DNAH1: variants seen among roughly 807,000 people sequenced by gnomAD.
The protein encoded by DNAH1 is dynein axonemal heavy chain 1, also known as axonemal beta dynein heavy chain 1.
DNAH1 carries 327 observed loss-of-function variants against 484.3 expected under a neutral mutation model. The observed-to-expected ratio is 0.68, with a 90% CI of 0.62 to 0.74. The LOEUF is 0.74. Among genes scored for constraint, DNAH1 ranks in the 30% least tolerant of loss-of-function variants. DNAH1 has a pLI of 0.00. For synonymous variants in DNAH1, 2,192 were observed against 2,191.9 expected (o/e 1.00, Z 0.00); for missense variants, 5,052 against 5,546.8 (o/e 0.91, Z 2.83).
intron 1 of DNAH1, among the ~76,000 whole-genome samples, chr3:52,320,856 A>G (rs1341459570): frequency 7.2e-6 from 1 of 138,480 alleles, no homozygotes; most frequent in Non-Finnish European, 1.5e-5. Flanking sequence ...GCTGGAATGC[A>G]GTGGCATGAT....
chr3:52,352,879 G>T (rs967653045), intron 18 of DNAH1, among the ~76,000 whole-genome samples, 172 bp downstream of exon 18: 1 of 152,190 alleles, frequency 6.6e-6, no homozygotes, highest in African/African-American at 2.4e-5. Flanking sequence ...CTAGTACAAG[G>T]CAGGTGGCCT....
In DNAH1 at chr3:52,322,646, A is replaced by G. The variant is rs372934954; in HGVS notation, c.204A>G (p.Pro68=). Reference sequence around the variant, plus strand: ...CACATTTACCCCTGCCCCCGGCCCCACCCACACTCTCAGACTTGGGGCAGC... The same window carrying G: ...CACATTTACCCCTGCCCCCGGCCCCGCCCACACTCTCAGACTTGGGGCAGC... ...KLPHLPLPPA[P]PTLSDLGQPR... The change falls in exon 2 of 78, where the codon CCA becomes CCG. Residue 68 remains proline, a synonymous_variant. Transcript: ENST00000420323. 2 of 1,613,450 alleles carry G rather than the reference A, an allele frequency of 1.2e-6. No homozygotes were observed. Among genetic ancestry groups the G allele is most frequent in the African/African-American group, 2.7e-5 (2 of 74,772 alleles).
rs758205178 is a variant in DNAH1 at position 52,397,725 on chromosome 3, A to G, written c.11806A>G (p.Lys3936Glu). Residue 3936 changes from lysine (K) to glutamate (E), a missense_variant, in exon 74 of 78, where the codon AAG becomes GAG. By Grantham distance (56) the Lys-to-Glu change is moderately conservative (BLOSUM62 1). Coordinates refer to ENST00000420323, the MANE Select transcript of DNAH1 (RefSeq NM_015512.5). ...CTCCTAGGGCTACCTCTCCTACATC[A>G]AGAGCCTCCCACTCAATGATATGCC... ...YDLHGYLSYI[K>E]SLPLNDMPEI... is the part of the protein sequence containing the mutation. The G allele has an allele frequency of 1.9e-6, 3 of 1,610,970 alleles. No individual in the cohort carries two copies. Among genetic ancestry groups the G allele is most frequent in the Non-Finnish European group, 2.5e-6 (3 of 1,178,268 alleles).
At position 52,345,694 on chromosome 3, in the gene DNAH1, G is replaced by GA; in HGVS notation, c.1645dup (p.Thr549AsnfsTer91). The GA allele has an allele frequency of 1.2e-6, 2 of 1,612,614 alleles. No individual in the cohort carries two copies. Among genetic ancestry groups the GA allele is most frequent in the Non-Finnish European group, 1.7e-6 (2 of 1,179,308 alleles). ...AGGAATTTGAGCAGATCCAGTCACA[G>GA]ACCTTCTCCCAGGTTTGTGGGCATC... On this transcript the variant is annotated frameshift_variant, in exon 10 of 78. Coordinates refer to ENST00000420323, the MANE Select transcript of DNAH1 (RefSeq NM_015512.5). LOFTEE classifies it high-confidence loss of function.
chr3:52,339,436 A>G (rs905648077), intron 8 of DNAH1, among the ~76,000 whole-genome samples: 1 of 151,728 alleles, frequency 6.6e-6, no homozygotes, highest in African/African-American at 2.4e-5. Flanking sequence ...TCTTACCGAC[A>G]TTTGTCCATT....
chr3:52,372,106 C>T lies in DNAH1; in HGVS notation c.6666+20C>T. On this transcript the variant is annotated intron_variant, in intron 42 of 77. Coordinates refer to ENST00000420323, the MANE Select transcript of DNAH1 (RefSeq NM_015512.5). Reference sequence around the variant, plus strand: ...AAGCCCGTGAGCACCCCCCCAGGCCCTGCCTCCACTGTCCCCAAGGCCTAT... The same window carrying T: ...AAGCCCGTGAGCACCCCCCCAGGCCTTGCCTCCACTGTCCCCAAGGCCTAT... 6.2e-7 allele frequency: 1 copy of T among 1,612,572 alleles called. No individual in the cohort carries two copies. The highest frequency in any genetic ancestry group is 8.5e-7 in the Non-Finnish European group (1 of 1,179,266).
chr3:52,388,402 G>A lies in DNAH1; in HGVS notation c.9172-16G>A, dbSNP rs201089899. ...GGGGTACTTGGCGAGCTAATCCTGC[G>A]CCCTCCGCCCCACAGCAAGCCCTGC... On this transcript the variant is annotated splice_polypyrimidine_tract_variant and intron_variant, in intron 57 of 77. Coordinates refer to ENST00000420323, the MANE Select transcript of DNAH1 (RefSeq NM_015512.5). 8.5e-5 allele frequency: 137 copies of A among 1,606,630 alleles called. No homozygotes were observed. The Middle Eastern group carries it at 9.9e-4, about 12-fold the overall frequency.
At position 52,361,312 on chromosome 3, in the gene DNAH1, G is replaced by A. The variant is rs764485004; in HGVS notation, c.4834G>A (p.Asp1612Asn). 6.2e-6 allele frequency: 10 copies of A among 1,604,436 alleles called. No individual in the cohort carries two copies. Among genetic ancestry groups the A allele is most frequent in the Admixed American group, 1.7e-5 (1 of 58,520 alleles). ...TVVFNCSDQL[D>N]FMAMGKFFKG... is the part of the protein sequence containing the mutation. ...TGTGTTCAACTGCTCTGACCAGCTCGACTTCATGGCCATGGGCAAGTTCTT... is the reference window on the plus strand; with the variant it reads ...TGTGTTCAACTGCTCTGACCAGCTCAACTTCATGGCCATGGGCAAGTTCTT... The change falls in exon 29 of 78, where the codon GAC (aspartate) becomes AAC (asparagine). Residue 1612 changes from aspartate (D) to asparagine (N), a missense_variant. Asp to Asn is a conservative substitution (Grantham distance 23). Coordinates refer to ENST00000420323, the MANE Select transcript of DNAH1 (RefSeq NM_015512.5). This position sits in a 1 kb window ranked among gnomAD's most constrained non-coding sequence, Gnocchi z 5.6.
At chr3:52,326,526 G>T (rs1701351179) in intron 4 of DNAH1, among the ~76,000 whole-genome samples, 1 of 152,136 alleles carries the variant, frequency 6.6e-6, no homozygotes, top group Non-Finnish European at 1.5e-5. Context: ...GAATGGGACT[G>T]CGGGGCGGGA....
At position 52,345,574 on chromosome 3, in the gene DNAH1, G is replaced by A; in HGVS notation, c.1524G>A (p.Glu508=). 6.2e-7 allele frequency: 1 copy of A among 1,600,894 alleles called. No homozygotes were observed. The highest frequency in any genetic ancestry group is 1.1e-5 in the South Asian group (1 of 89,056). The part of the protein sequence containing the change: ...FTFVSLLTRP[E]VITALSKVRA... ...TCGTGTCCCTGCTCACACGGCCAGA[G>A]GTCATCACGGCCCTCAGCAAGGTGA... The change falls in exon 10 of 78, where the codon GAG becomes GAA. Residue 508 remains glutamate, a synonymous_variant. Coordinates refer to ENST00000420323, the MANE Select transcript of DNAH1 (RefSeq NM_015512.5).
intron 48 of DNAH1, among the ~76,000 whole-genome samples, chr3:52,380,411 G>A (rs542880216): frequency 6.6e-6 from 1 of 152,264 alleles, no homozygotes; most frequent in Admixed American, 6.5e-5. Flanking sequence ...GGCCGGGGGC[G>A]GGGCCTGGGG....
Position 52,374,108 on chromosome 3 carries a change from A to T in DNAH1, c.6985+1055A>T, listed in dbSNP as rs1578166750. ...TCCTCAGGAGAGAGATTTTCTTAAA[A>T]CCACCCTTCACAGAATCTATGGGAA... On this transcript the variant is annotated intron_variant, in intron 44 of 77. Transcript: ENST00000420323. 1.5e-5 allele frequency: 17 copies of T among 1,122,654 alleles called. No homozygotes were observed. The East Asian group carries it at 3.8e-4, about 25-fold the overall frequency. The allele number at this position is 1,122,654 out of a possible 1,614,324, so 69.5% of individuals were successfully genotyped here.
chr3:52,313,496 G>T (rs1700858916), upstream of DNAH1, among the ~76,000 whole-genome samples: 1 of 152,190 alleles, frequency 6.6e-6, no homozygotes, highest in South Asian at 2.1e-4. Flanking sequence ...ACTCTGCCAT[G>T]ACTTTGGGTG....
Position 52,347,874 on chromosome 3 carries a change from G to A in DNAH1, c.2006G>A (p.Gly669Glu), listed in dbSNP as rs371417245. Residue 669 changes from glycine (G) to glutamate (E), a missense_variant, in exon 12 of 78, where the codon GGG becomes GAG. Transcript: ENST00000420323. The part of the protein sequence containing the change: ...FIMDLVLDSS[G>E]VHYSTPLEQF... ...ATGGACCTGGTGCTGGACAGCTCTG[G>A]GGTGCACTATAGCACCCCACTGGAG... 1 of 1,605,660 alleles carries A rather than the reference G, an allele frequency of 6.2e-7. No individual in the cohort carries two copies. Among genetic ancestry groups the A allele is most frequent in the African/African-American group, 1.3e-5 (1 of 74,914 alleles).
intron 26 of DNAH1, among the ~76,000 whole-genome samples, 194 bp downstream of exon 26, chr3:52,359,580 C>G (rs1012615245): frequency 2.6e-5 from 4 of 152,198 alleles, no homozygotes; most frequent in Admixed American, 6.5e-5. Context: ...GGCGATGCCC[C>G]CTCTGCAAGG....
rs1228553355 is a variant in DNAH1 at position 52,355,153 on chromosome 3, C to T, written c.3693+98C>T. On this transcript the variant is annotated intron_variant, in intron 21 of 77. Coordinates refer to ENST00000420323, the MANE Select transcript of DNAH1 (RefSeq NM_015512.5). The surrounding 1 kb of genome is among the most constrained non-coding windows in gnomAD (Gnocchi z 4.5). Reference sequence around the variant, plus strand: ...GGTCTCCGGGTGGGGTTCAAAGCATCGCAGTGCCTTGCCCTCATTCACACA... The same window carrying T: ...GGTCTCCGGGTGGGGTTCAAAGCATTGCAGTGCCTTGCCCTCATTCACACA... 1.4e-5 allele frequency: 17 copies of T among 1,228,888 alleles called. No individual in the cohort carries two copies. The highest frequency in any genetic ancestry group is 3.0e-5 in the African/African-American group (2 of 67,604). 76.1% of individuals were successfully genotyped at this position (1,228,888 alleles called of 1,614,324 possible).
In DNAH1 at chr3:52,392,473, G is replaced by A. The variant is rs376883975; in HGVS notation, c.10062G>A (p.Glu3354=). The A allele has an allele frequency of 1.4e-5, 22 of 1,613,500 alleles. 1 individual carries two copies. Among genetic ancestry groups the A allele is most frequent in the Admixed American group, 5.0e-5 (3 of 60,012 alleles). ...INFTLSPSGL[E]DQLLGQVVAE... ...CCCCTGCCCCCGGCAGTGGCCTAGA[G>A]GACCAGCTACTGGGCCAGGTAGTGG... Residue 3354 remains glutamate (E), a synonymous_variant, in exon 64 of 78, where the codon GAG becomes GAA. Coordinates refer to ENST00000420323, the MANE Select transcript of DNAH1 (RefSeq NM_015512.5).
intron 14 of DNAH1, 59 bp from the exon 15 acceptor site, chr3:52,349,930 G>C: frequency 1.3e-6 from 2 of 1,547,990 alleles, no homozygotes; most frequent in Non-Finnish European, 1.7e-6. Context: ...AGGAAGAGCA[G>C]GTGAGGGAAG....
At position 52,322,711 on chromosome 3, in the gene DNAH1, C is replaced by A; in HGVS notation, c.269C>A (p.Pro90Gln). The A allele has an allele frequency of 6.2e-7, 1 of 1,613,506 alleles. No homozygotes were observed. Among genetic ancestry groups the A allele is most frequent in the East Asian group, 2.2e-5 (1 of 44,860 alleles). The stretch of plus-strand genomic sequence containing the variant: ...CTGACAGGCACTGATAAGAAGTACC[C>A]GCTGATGAAGCAGCGTGGGTTCTAC... ...SPLTGTDKKY[P>Q]LMKQRGFYSD... The change falls in exon 2 of 78, where the codon CCG (proline) becomes CAG (glutamine). Residue 90 changes from proline to glutamine, a missense_variant. Pro to Gln is a moderately conservative substitution (Grantham distance 76, BLOSUM62 -1). Coordinates refer to ENST00000420323, the MANE Select transcript of DNAH1 (RefSeq NM_015512.5).
Sources: allele counts gnomAD v4.1 joint callset (sites outside exome capture counted in the v4.1 genomes callset), GRCh38; gene constraint gnomAD v4.1.1; non-coding constraint Gnocchi (gnomAD v3.1); transcripts MANE v1.5; gene names NCBI Gene and HGNC (gene_info 2026-07-23, HGNC 2026-07-21).